The following USH2A variants were observed in gnomAD, a reference collection of about 807,000 sequenced individuals.
USH2A encodes Usher syndrome 2A (autosomal recessive, mild).
In USH2A, 443 loss-of-function variants were observed where a neutral mutation model predicts 538.9. The observed-to-expected ratio is 0.82, with a 90% CI of 0.76 to 0.89. The LOEUF (loss-of-function observed/expected upper bound fraction) is 0.89, where lower values mean the gene tolerates loss of function less well. Ranked by LOEUF, USH2A falls within the 40% of genes least tolerant of loss-of-function variation. The probability of loss-of-function intolerance (pLI) is 0.00; values close to 1 mark genes in which losing one functional copy is unlikely to be tolerated. For missense variants in USH2A, 6,633 were observed against 6,324.8 expected, an observed-to-expected ratio of 1.05 and a Z score of -1.65; for synonymous variants, 2,413 against 2,273.5, an observed-to-expected ratio of 1.06 and a Z score of -1.75.
chr1:215,708,858 T>C lies in USH2A; in HGVS notation c.12066+19172A>G, dbSNP rs141677529. On this transcript the variant is annotated intron_variant, in intron 61 of 71. Coordinates refer to ENST00000307340, the MANE Select transcript of USH2A (RefSeq NM_206933.4). ...GGGGTTCTGGACCCCTTGTGTCAAG[T>C]GACATATTGTAGTTTATGGTTCTAT... 5.6e-3 allele frequency among the ~76,000 whole-genome samples: 860 copies of C among 152,280 alleles called. 13 individuals are homozygous for C. Among genetic ancestry groups the C allele is most frequent in the African/African-American group, 0.02 (820 of 41,572 alleles).
At chr1:215,691,753 T>C (rs1437864385) in intron 61 of USH2A, among the ~76,000 whole-genome samples, 4 of 152,198 alleles carry the variant, frequency 2.6e-5, no homozygotes, top group East Asian at 1.9e-4. Context: ...ATGCCTCTAA[T>C]TGTGGCTGGG....
chr1:216,023,815 G>C (rs1384428757), intron 32 of USH2A, among the ~76,000 whole-genome samples: 1 of 152,016 alleles, frequency 6.6e-6, no homozygotes, highest in Non-Finnish European at 1.5e-5. Flanking sequence ...ACGATGAATT[G>C]CATTTTCCTT....
intron 38 of USH2A, among the ~76,000 whole-genome samples, chr1:215,928,179 T>C (rs1419576882): frequency 1.3e-5 from 2 of 151,990 alleles, no homozygotes; most frequent in Non-Finnish European, 2.9e-5. Flanking sequence ...ATTTGAGAAA[T>C]AGCTAAGATT....
At position 215,978,375 on chromosome 1, in the gene USH2A, G is replaced by C. The variant is rs568537888; in HGVS notation, c.6806-7599C>G. The stretch of plus-strand genomic sequence containing the variant: ...GTCACTACTCTTGTTATATGTTTCT[G>C]GTCTAATTTCCTCTTCTAAAATTTT... On this transcript the variant is annotated intron_variant, in intron 35 of 71. Transcript: ENST00000307340. 4.6e-4 allele frequency among the ~76,000 whole-genome samples: 70 copies of C among 151,998 alleles called. 1 individual carries two copies. Among genetic ancestry groups the C allele is most frequent in the Non-Finnish European group, 5.6e-4 (38 of 67,964 alleles).
chr1:216,376,287 C>T (rs1196208007), intron 3 of USH2A, among the ~76,000 whole-genome samples: 1 of 152,100 alleles, frequency 6.6e-6, no homozygotes, highest in African/African-American at 2.4e-5. Context: ...CTAGCAACTA[C>T]TGGACACTCA....
intron 4 of USH2A, among the ~76,000 whole-genome samples, chr1:216,347,958 G>C (rs2102686846): frequency 6.6e-6 from 1 of 152,238 alleles, no homozygotes; most frequent in Non-Finnish European, 1.5e-5. Flanking sequence ...CTGAACAAGA[G>C]TTAACTGCAT....
intron 40 of USH2A, among the ~76,000 whole-genome samples, chr1:215,893,751 C>T (rs1047262047): frequency 1.3e-5 from 2 of 151,948 alleles, no homozygotes; most frequent in Non-Finnish European, 2.9e-5. Flanking sequence ...CTTTAAGTGC[C>T]CAGGGGAGAT....
At chr1:216,344,265 AAG>A (rs2038131903) in intron 4 of USH2A, among the ~76,000 whole-genome samples, 1 of 152,110 alleles carries the variant, frequency 6.6e-6, no homozygotes, top group African/African-American at 2.4e-5. Context: ...TAGTAACAGA[AAG>A]AGTCTCCACA....
intron 11 of USH2A, among the ~76,000 whole-genome samples, chr1:216,267,558 T>A (rs2036498500): frequency 6.6e-6 from 1 of 152,056 alleles, no homozygotes; most frequent in Non-Finnish European, 1.5e-5. Flanking sequence ...ATGGAACGGA[T>A]GGGAGAAGTC....
chr1:215,948,879 A>G (rs1032242230), intron 37 of USH2A, among the ~76,000 whole-genome samples: 1 of 152,146 alleles, frequency 6.6e-6, no homozygotes, highest in African/African-American at 2.4e-5. Context: ...AAAATTGGTT[A>G]TGGCTTATTT....
intron 26 of USH2A, among the ~76,000 whole-genome samples, chr1:216,081,172 C>A (rs2102557291): frequency 6.6e-6 from 1 of 152,116 alleles, no homozygotes; most frequent in South Asian, 2.1e-4. Flanking sequence ...ATACAAGACA[C>A]AAGATCAGGG....
At chr1:216,239,962 A>G (rs976837956) in intron 13 of USH2A, among the ~76,000 whole-genome samples, 1 of 148,840 alleles carries the variant, frequency 6.7e-6, no homozygotes, top group African/African-American at 2.5e-5. Flanking sequence ...TCAGTAAAAC[A>G]TGGTAGATTG....
intron 20 of USH2A, among the ~76,000 whole-genome samples, chr1:216,180,376 G>T (rs957354482): frequency 1.3e-5 from 2 of 151,634 alleles, no homozygotes; most frequent in Non-Finnish European, 2.9e-5. Flanking sequence ...TTTTAATAGG[G>T]GTAATCTAAT....
intron 13 of USH2A, among the ~76,000 whole-genome samples, chr1:216,237,890 T>C (rs1365269056): frequency 1.3e-5 from 2 of 152,198 alleles, no homozygotes; most frequent in Non-Finnish European, 2.9e-5. Context: ...CCTGATGATT[T>C]ATCAAGGAAG....
chr1:216,415,489 T>A (rs2039561544), intron 3 of USH2A, among the ~76,000 whole-genome samples: 1 of 148,072 alleles, frequency 6.8e-6, no homozygotes, highest in African/African-American at 2.5e-5. Context: ...CAACTCCTAA[T>A]CTCCTGTCCT....
intron 3 of USH2A, among the ~76,000 whole-genome samples, chr1:216,412,463 G>A (rs577399367): frequency 1.3e-5 from 2 of 152,074 alleles, no homozygotes; most frequent in South Asian, 4.1e-4. Flanking sequence ...AGCCATTGTA[G>A]TCTATCGCAA....
Position 216,085,293 on chromosome 1 carries a change from T to C in USH2A, c.4988-416A>G, listed in dbSNP as rs542567221. On this transcript the variant is annotated intron_variant, in intron 24 of 71. Transcript: ENST00000307340. Reference sequence around the variant, plus strand: ...TCTATGAACCAGTCTGTTACTGAAGTAAATCAATAATTTGGCTTCATATTT... The same window carrying C: ...TCTATGAACCAGTCTGTTACTGAAGCAAATCAATAATTTGGCTTCATATTT... Among the ~76,000 whole-genome samples the C allele has an allele frequency of 1.4e-4, 22 of 152,288 alleles. 1 individual carries two copies. Among genetic ancestry groups the C allele is most frequent in the Middle Eastern group, 6.8e-3 (2 of 294 alleles).
chr1:216,269,191 T>C (rs2036530948), intron 11 of USH2A, among the ~76,000 whole-genome samples: 1 of 152,126 alleles, frequency 6.6e-6, no homozygotes, highest in South Asian at 2.1e-4. Flanking sequence ...TCCTATGTGT[T>C]GTGGGGGGAG....
intron 2 of USH2A, among the ~76,000 whole-genome samples, chr1:216,420,803 T>C (rs935715267): frequency 1.3e-5 from 2 of 151,792 alleles, no homozygotes; most frequent in African/African-American, 4.8e-5. Flanking sequence ...GAATGGTTTG[T>C]GATTAATTTT....
Sources: gnomAD v4.1 joint callset for allele counts (sites outside exome capture counted in the v4.1 genomes callset) on GRCh38, gnomAD v4.1.1 for gene constraint, MANE v1.5 for transcripts, NCBI Gene and HGNC (gene_info 2026-07-23, HGNC 2026-07-21) for gene names.